SREBF1: variants seen among roughly 807,000 people sequenced by gnomAD.
SREBF1 encodes the protein sterol regulatory element-binding protein 1.
In SREBF1, 45 loss-of-function variants were observed where a neutral mutation model predicts 100.1. That is an observed-to-expected ratio of 0.45 (90% CI 0.35 to 0.58). SREBF1 has a LOEUF of 0.58. Among genes scored for constraint, SREBF1 ranks in the 20% least tolerant of loss-of-function variants. The pLI, the probability that SREBF1 is intolerant of heterozygous loss-of-function variation, is 0.00. For missense variants in SREBF1, 1,324 were observed against 1,539.4 expected (o/e 0.86, Z 2.34); for synonymous variants, 657 against 681.8 (o/e 0.96, Z 0.57).
intron 1 of SREBF1, 63 bp downstream of exon 1, chr17:17,836,664 C>G: frequency 6.7e-7 from 1 of 1,485,412 alleles, no homozygotes; most frequent in Non-Finnish European, 9.1e-7. Flanking sequence ...GCCAGGGAGA[C>G]ACCTGCGCGC....
rs34061744 is a variant in SREBF1, at chr17:17,811,403, GAAA to G, written c.*1216_*1218del. The G allele has an allele frequency of 0.1, 16,648 of 163,236 alleles. 1,139 individuals carry two copies. The highest frequency in any genetic ancestry group is 0.23 in the African/African-American group (8,371 of 36,604). The allele number at this position is 163,236 out of a possible 1,614,324, so 10.1% of individuals were successfully genotyped here. On this transcript the variant is annotated 3_prime_UTR_variant, in exon 19 of 19. Coordinates refer to ENST00000261646, the MANE Select transcript of SREBF1 (RefSeq NM_004176.5). ...GAGTAAAAAACAGTCATTGCATTCA[GAAA>G]AAAAAAAAAAAAAAAGTCAATAAAG...
At chr17:17,815,377 C>A in intron 12 of SREBF1, 48 bp from the exon 13 acceptor site, 1 of 1,493,978 alleles carries the variant, frequency 6.7e-7, no homozygotes, top group Non-Finnish European at 9.3e-7. Context: ...GCCCCACCCT[C>A]CTCTCCAAGC....
At chr17:17,829,422 C>T (rs1367482813) in intron 1 of SREBF1, among the ~76,000 whole-genome samples, 2 of 151,822 alleles carry the variant, frequency 1.3e-5, no homozygotes, top group South Asian at 2.1e-4. Context: ...ACAACGTATT[C>T]CCTTTCCTTC....
Position 17,813,626 on chromosome 17 carries a change from T to C in SREBF1, c.3045A>G (p.Gln1015=), listed in dbSNP as rs763966743. 6.3e-7 allele frequency: 1 copy of C among 1,584,194 alleles called. No individual in the cohort carries two copies. The highest frequency in any genetic ancestry group is 1.7e-5 in the Admixed American group (1 of 57,972). Residue 1015 remains glutamine, a synonymous_variant, in exon 17 of 19, where the codon CAA becomes CAG. Coordinates refer to ENST00000261646, the MANE Select transcript of SREBF1 (RefSeq NM_004176.5). ...QASALELRGF[Q]RDLSSLRRLA... The stretch of plus-strand genomic sequence containing the variant: ...GCCGCCTCAGGCTGCTCAGGTCCCG[T>C]TGGAAGCCACGCAGCTCAAGGGCGG...
chr17:17,825,501 G>A (rs11652574), intron 1 of SREBF1, among the ~76,000 whole-genome samples: 5,606 of 152,260 alleles, frequency 0.037, 113 homozygotes, highest in African/African-American at 0.056. Flanking sequence ...CCCGAGGAAG[G>A]GGGAAGGGCC....
intron 1 of SREBF1, among the ~76,000 whole-genome samples, chr17:17,829,279 CATAT>C (rs552362788): frequency 7.1e-6 from 1 of 140,210 alleles, no homozygotes; most frequent in East Asian, 2.0e-4. Flanking sequence ...CACACACACA[CATAT>C]ATATATATAT....
At chr17:17,831,997 C>T (rs1193162714) in intron 1 of SREBF1, among the ~76,000 whole-genome samples, 1 of 152,176 alleles carries the variant, frequency 6.6e-6, no homozygotes, top group African/African-American at 2.4e-5. Context: ...GGGGAGGTAG[C>T]CACATAGCCT....
At chr17:17,815,433 G>T in intron 12 of SREBF1, 104 bp from the exon 13 acceptor site, 2 of 898,978 alleles carry the variant, frequency 2.2e-6, no homozygotes, top group East Asian at 2.5e-5. Context: ...TAGGGCCACT[G>T]GGAAGTGCCG....
In SREBF1 at chr17:17,816,198, C is replaced by CCCCCCCACCCCCAAT; in HGVS notation, c.2214+8_2214+9insATTGGGGGTGGGGGG. ...CAGGGATAAGCCCCCAGCCCCCCAA[C>CCCCCCCACCCCCAAT]CCACTCACTGTCAGAAAATGCAAGG... On this transcript the variant is annotated intron_variant, in intron 11 of 18. Coordinates refer to ENST00000261646, the MANE Select transcript of SREBF1 (RefSeq NM_004176.5). 1 of 1,512,914 alleles carries CCCCCCCACCCCCAAT rather than the reference C, an allele frequency of 6.6e-7. No homozygotes were observed. Among genetic ancestry groups the CCCCCCCACCCCCAAT allele is most frequent in the Non-Finnish European group, 9.0e-7 (1 of 1,112,202 alleles). 93.7% of individuals were successfully genotyped at this position (1,512,914 alleles called of 1,614,324 possible).
At chr17:17,818,215 G>T (rs770910678) in intron 6 of SREBF1, 45 bp downstream of exon 6, 12 of 1,544,818 alleles carry the variant, frequency 7.8e-6, no homozygotes, top group Non-Finnish European at 8.9e-6. Context: ...GTGGAGCAAG[G>T]CTAGAGAAGA....
intron 1 of SREBF1, among the ~76,000 whole-genome samples, chr17:17,830,650 AG>A (rs1471519972): frequency 2.6e-5 from 4 of 152,196 alleles, no homozygotes; most frequent in African/African-American, 9.7e-5. Context: ...GAGCTCAAAC[AG>A]GGTTCGGGGT....
intron 1 of SREBF1, chr17:17,820,780 C>T: frequency 3.7e-6 from 2 of 540,280 alleles, no homozygotes; most frequent in East Asian, 6.7e-5. Context: ...GTGGGCACCA[C>T]AAGGCTCACA....
chr17:17,815,128 A>C, intron 13 of SREBF1, 93 bp downstream of exon 13: 1 of 1,351,752 alleles, frequency 7.4e-7, no homozygotes. Flanking sequence ...ACGGTAGCCC[A>C]GCTCTGGGCT....
In SREBF1 at chr17:17,811,596, C is replaced by G; in HGVS notation, c.*1026G>C. 2.5e-6 allele frequency: 1 copy of G among 402,270 alleles called. No individual in the cohort carries two copies. Among genetic ancestry groups the G allele is most frequent in the Non-Finnish European group, 4.8e-6 (1 of 207,892 alleles). 24.9% of individuals were successfully genotyped at this position (402,270 alleles called of 1,614,324 possible). ...CCTTTCACAGAACAGGAAACCTCCC[C>G]CGCCCCTGTGCCCCCTCTCCAGTGT... On this transcript the variant is annotated 3_prime_UTR_variant, in exon 19 of 19. Coordinates refer to ENST00000261646, the MANE Select transcript of SREBF1 (RefSeq NM_004176.5).
Position 17,814,358 on chromosome 17 carries a change from G to T in SREBF1, c.2788C>A (p.Leu930Met). 1 of 1,573,430 alleles carries T rather than the reference G, an allele frequency of 6.4e-7. No homozygotes were observed. ...CCAGACTCTGCCTTGGCACAGCCCA[G>T]CAGGGCCCGGGCAGCCTTGAAGGAG... ...LHSFKAARAL[L>M]GCAKAESGPA... The change falls in exon 16 of 19, where the codon CTG (leucine) becomes ATG (methionine). Residue 930 changes from leucine (L) to methionine (M), a missense_variant. Physicochemically the swap from Leu to Met is conservative, Grantham distance 15. Transcript: ENST00000261646.
At position 17,816,519 on chromosome 17, in the gene SREBF1, GC is replaced by G. The variant is rs1220713387; in HGVS notation, c.1984del (p.Ala662LeufsTer36). The G allele has an allele frequency of 6.2e-7, 1 of 1,602,720 alleles. No homozygotes were observed. The highest frequency in any genetic ancestry group is 8.5e-7 in the Non-Finnish European group (1 of 1,175,722). On this transcript the variant is annotated frameshift_variant, in exon 10 of 19. Transcript: ENST00000261646. LOFTEE classifies it high-confidence loss of function. ...GGCTGCGTCTCGGGCGCTGGCGCTAGCATCCACTCGCAGAGCACAGTCCTGC... is the reference window on the plus strand; with the variant it reads ...GGCTGCGTCTCGGGCGCTGGCGCTAGATCCACTCGCAGAGCACAGTCCTGC... ...LQQDCALRVD[A>X]SASARDAALV...
chr17:17,818,802 C>A, intron 5 of SREBF1: 1 of 636,338 alleles, frequency 1.6e-6, no homozygotes, highest in Non-Finnish European at 2.8e-6. Context: ...TTCATTGCTG[C>A]ATCCCCAATG....
Position 17,814,775 on chromosome 17 carries a change from C to T in SREBF1, c.2603-28G>A, listed in dbSNP as rs774987132. 8 of 1,611,082 alleles carry T rather than the reference C, an allele frequency of 5.0e-6. No individual in the cohort carries two copies. The South Asian group carries it at 8.8e-5, about 18-fold the overall frequency. ...GCAGAAGAGGGAGGGTCCCCTGAACCCTCAGTCACGCTGCACGGGGGAGCT... is the reference window on the plus strand; with the variant it reads ...GCAGAAGAGGGAGGGTCCCCTGAACTCTCAGTCACGCTGCACGGGGGAGCT... On this transcript the variant is annotated intron_variant, in intron 14 of 18. Transcript: ENST00000261646.
chr17:17,816,293 C>A lies in SREBF1; in HGVS notation c.2128G>T (p.Val710Leu). Reference protein sequence around the residue: ...LNLAECAGDAVSVATLAEIYV... With the variant: ...LNLAECAGDALSVATLAEIYV... ...ATCTCGGCCAGCGTCGCCACAGACA[C>A]GGCATCCCCTGCACACTCTGCCAGG... Residue 710 changes from valine to leucine, a missense_variant, in exon 11 of 19, where the codon GTG becomes TTG. Transcript: ENST00000261646. 1 of 1,536,718 alleles carries A rather than the reference C, an allele frequency of 6.5e-7. No homozygotes were observed. The highest frequency in any genetic ancestry group is 8.7e-7 in the Non-Finnish European group (1 of 1,148,384).
Sources: allele counts gnomAD v4.1 joint callset (sites outside exome capture counted in the v4.1 genomes callset), GRCh38; gene constraint gnomAD v4.1.1; transcripts MANE v1.5; gene names NCBI Gene and HGNC (gene_info 2026-07-23, HGNC 2026-07-21).